The following ANK3 variants were observed in gnomAD, a reference collection of about 807,000 sequenced individuals.
ANK3 encodes the protein ankyrin 3.
Under a neutral mutation model 370.9 loss-of-function variants are expected in ANK3, and 57 were observed. The ratio of observed to expected loss-of-function variants is 0.15; its 90% confidence interval spans 0.12 to 0.19. ANK3 has a LOEUF of 0.19. Ranked by LOEUF, ANK3 falls within the 10% of genes least tolerant of loss-of-function variation. The probability of loss-of-function intolerance (pLI) is 1.00; values close to 1 mark genes in which losing one functional copy is unlikely to be tolerated. For missense variants in ANK3, 4,439 were observed against 5,302.1 expected (o/e 0.84, Z 5.06); for synonymous variants, 1,929 against 1,946.3 (o/e 0.99, Z 0.23).
chr10:60,345,030 T>C (rs977830858), intron 1 of ANK3, among the ~76,000 whole-genome samples: 9 of 152,174 alleles, frequency 5.9e-5, no homozygotes, highest in Non-Finnish European at 1.3e-4. Context: ...GTAAATGTCC[T>C]TTTGTTTTGC....
chr10:60,434,162 G>C (rs114765458), intron 2 of ANK3, among the ~76,000 whole-genome samples: 366 of 152,220 alleles, frequency 2.4e-3, no homozygotes, highest in African/African-American at 8.2e-3. Flanking sequence ...ATGTGTTTGT[G>C]CTCTCATATT....
intron 2 of ANK3, among the ~76,000 whole-genome samples, chr10:60,400,614 G>C (rs2063334198): frequency 6.6e-6 from 1 of 152,124 alleles, no homozygotes; most frequent in Non-Finnish European, 1.5e-5. Flanking sequence ...AGCAGGTGCA[G>C]TCTGCAGGTG....
intron 28 of ANK3, among the ~76,000 whole-genome samples, chr10:60,096,310 T>G (rs1419993713): frequency 2.6e-5 from 4 of 152,232 alleles, no homozygotes; most frequent in Admixed American, 2.6e-4. Context: ...CTTATATGTA[T>G]TTAGATTTTA....
intron 2 of ANK3, among the ~76,000 whole-genome samples, chr10:60,591,222 A>G (rs1051312121): frequency 6.6e-6 from 1 of 152,212 alleles, no homozygotes; most frequent in Non-Finnish European, 1.5e-5. Context: ...TGCTTCTGCC[A>G]TAATTCCAAG....
chr10:60,686,691 AAATCAAT>A (rs2079272834), intron 1 of ANK3, among the ~76,000 whole-genome samples: 1 of 152,158 alleles, frequency 6.6e-6, no homozygotes, highest in South Asian at 2.1e-4. Context: ...ACACAATATG[AAATCAAT>A]CATTATCCTT....
At chr10:60,586,466 A>G (rs2077833237) in intron 2 of ANK3, among the ~76,000 whole-genome samples, 2 of 152,048 alleles carry the variant, frequency 1.3e-5, no homozygotes, top group South Asian at 4.1e-4. Flanking sequence ...ACCACTATAT[A>G]TTTATTTAAT....
chr10:60,168,323 GC>G (rs1202943414), intron 21 of ANK3, among the ~76,000 whole-genome samples: 2 of 152,280 alleles, frequency 1.3e-5, no homozygotes, highest in African/African-American at 4.8e-5. Flanking sequence ...ACCGCGCCTG[GC>G]CTATTATTAA....
chr10:60,507,658 A>C (rs181007355), intron 2 of ANK3: 337 of 152,148 alleles, frequency 2.2e-3, no homozygotes, highest in African/African-American at 4.3e-3. Flanking sequence ...AAAAGTAATA[A>C]CCATTCTCAA....
intron 1 of ANK3, among the ~76,000 whole-genome samples, chr10:60,384,062 T>A (rs1276881212): frequency 6.6e-6 from 1 of 152,204 alleles, no homozygotes; most frequent in Non-Finnish European, 1.5e-5. Flanking sequence ...ACTAGCTATA[T>A]GACCTCAGAC....
At position 60,572,754 on chromosome 10, in the gene ANK3, T is replaced by G. The variant is rs530065368; in HGVS notation, c.96+42432A>C. 665 of 1,312,238 alleles carry G rather than the reference T, an allele frequency of 5.1e-4. 3 individuals carry two copies. The African/African-American group carries it at 9.2e-3, about 18-fold the overall frequency. The allele number at this position is 1,312,238 out of a possible 1,614,324, so 81.3% of individuals were successfully genotyped here. A position where few individuals can be genotyped will look rare whatever the true frequency, so the allele number is the denominator to read the frequency against. Reference sequence around the variant, plus strand: ...AGGAAGAAACTGGGTGTTCTCTATATCAAACAGTCAATTATTCTTCTAAAG... The same window carrying G: ...AGGAAGAAACTGGGTGTTCTCTATAGCAAACAGTCAATTATTCTTCTAAAG... On this transcript the variant is annotated intron_variant, in intron 2 of 43. Transcript: ENST00000373827.
intron 1 of ANK3, among the ~76,000 whole-genome samples, chr10:60,316,588 C>G (rs908486272): frequency 5.9e-5 from 9 of 152,042 alleles, no homozygotes; most frequent in African/African-American, 2.2e-4. Context: ...AAAGTAGGCA[C>G]TCAACAAATA....
chr10:60,663,271 C>A (rs1320815058), intron 1 of ANK3, among the ~76,000 whole-genome samples: 1 of 152,162 alleles, frequency 6.6e-6, no homozygotes, highest in Non-Finnish European at 1.5e-5. Flanking sequence ...GATTTTTATA[C>A]AGTGGTCATA....
intron 43 of ANK3, among the ~76,000 whole-genome samples, chr10:60,037,218 C>G (rs949594102): frequency 6.6e-6 from 1 of 152,112 alleles, no homozygotes. Flanking sequence ...ATTCTTGTCC[C>G]CCTATCCATT....
chr10:60,087,788 G>C (rs10761451), intron 29 of ANK3, among the ~76,000 whole-genome samples: 94,322 of 151,998 alleles, frequency 0.62, 30,597 homozygotes, highest in Non-Finnish European at 0.73. Context: ...TCAATCAAAT[G>C]AAAACACTAA....
chr10:60,557,005 G>A (rs181082501), intron 2 of ANK3, among the ~76,000 whole-genome samples: 15 of 152,322 alleles, frequency 9.8e-5, no homozygotes, highest in African/African-American at 3.6e-4. Context: ...ATGATCTGAG[G>A]TGGAACAGTT....
chr10:60,396,427 G>T (rs2063241075), intron 2 of ANK3, among the ~76,000 whole-genome samples: 1 of 152,170 alleles, frequency 6.6e-6, no homozygotes, highest in South Asian at 2.1e-4. Flanking sequence ...GGTTTCTCAA[G>T]TAATGTGTTC....
At chr10:60,160,036 T>C (rs112537337) in intron 23 of ANK3, among the ~76,000 whole-genome samples, 2 of 151,852 alleles carry the variant, frequency 1.3e-5, no homozygotes, top group Admixed American at 1.3e-4. Flanking sequence ...TAAGCCAAAC[T>C]CAAAATTTAT....
chr10:60,261,129 A>C (rs564674566), intron 7 of ANK3, among the ~76,000 whole-genome samples: 1 of 152,312 alleles, frequency 6.6e-6, no homozygotes, highest in African/African-American at 2.4e-5. Flanking sequence ...AGACACAGGG[A>C]AAAAAGTGAA....
At chr10:60,271,715 A>G (rs1448765653) in intron 4 of ANK3, among the ~76,000 whole-genome samples, 2 of 152,260 alleles carry the variant, frequency 1.3e-5, no homozygotes, top group African/African-American at 2.4e-5. Context: ...TTACTTATCC[A>G]TAAGTTCAGC....
Sources: gnomAD v4.1 joint callset for allele counts (sites outside exome capture counted in the v4.1 genomes callset) on GRCh38, gnomAD v4.1.1 for gene constraint, MANE v1.5 for transcripts, NCBI Gene and HGNC (gene_info 2026-07-23, HGNC 2026-07-21) for gene names.